Variants in PPP1R16B observed in about 807,000 individuals in gnomAD.
PPP1R16B encodes protein phosphatase 1 regulatory subunit 16B, also known as protein phosphatase 1 regulatory inhibitor subunit 16B.
PPP1R16B carries 14 observed loss-of-function variants against 61.7 expected under a neutral mutation model. The ratio of observed to expected loss-of-function variants is 0.23; its 90% confidence interval spans 0.15 to 0.35. The LOEUF is 0.35. Ranked by LOEUF, PPP1R16B falls within the 10% of genes least tolerant of loss-of-function variation. The probability of loss-of-function intolerance (pLI) is 1.00; values close to 1 mark genes in which losing one functional copy is unlikely to be tolerated. For missense variants in PPP1R16B, 547 were observed against 752.5 expected (o/e 0.73, Z 3.19); for synonymous variants, 266 against 305.3 (o/e 0.87, Z 1.34).
At chr20:38,837,643 T>C (rs886457338) in intron 2 of PPP1R16B, among the ~76,000 whole-genome samples, 7 of 151,942 alleles carry the variant, frequency 4.6e-5, no homozygotes, top group African/African-American at 1.7e-4. Flanking sequence ...CCTCCCAGGT[T>C]CCAGCAATTC....
intron 2 of PPP1R16B, among the ~76,000 whole-genome samples, chr20:38,854,594 G>A (rs1413541222): frequency 6.6e-6 from 1 of 152,204 alleles, no homozygotes; most frequent in Non-Finnish European, 1.5e-5. Flanking sequence ...AGTGGACCTT[G>A]AAGGTTAAGA....
intron 2 of PPP1R16B, among the ~76,000 whole-genome samples, chr20:38,861,025 C>T (rs943677914): frequency 3.3e-5 from 5 of 152,144 alleles, no homozygotes; most frequent in African/African-American, 1.2e-4. Context: ...TCTCCCCATT[C>T]CCTGGGTCCT....
intron 2 of PPP1R16B, among the ~76,000 whole-genome samples, chr20:38,866,605 G>T (rs2085092375): frequency 6.6e-6 from 1 of 152,130 alleles, no homozygotes; most frequent in Non-Finnish European, 1.5e-5. Flanking sequence ...TTTTTCCCAT[G>T]GAGGGGATAC....
intron 2 of PPP1R16B, among the ~76,000 whole-genome samples, chr20:38,868,851 G>A (rs772183297): frequency 6.6e-6 from 1 of 152,110 alleles, no homozygotes; most frequent in Admixed American, 6.5e-5. Context: ...TGAAATACTG[G>A]TTACATGATA....
chr20:38,899,671 A>G (rs1168359664), intron 4 of PPP1R16B, among the ~76,000 whole-genome samples: 1 of 152,222 alleles, frequency 6.6e-6, no homozygotes, highest in Non-Finnish European at 1.5e-5. Flanking sequence ...GTTTCTGCAT[A>G]TGGGCAAAAA....
chr20:38,877,915 T>G (rs144661935), intron 2 of PPP1R16B, among the ~76,000 whole-genome samples: 317 of 151,960 alleles, frequency 2.1e-3, no homozygotes, highest in African/African-American at 7.4e-3. Flanking sequence ...CTCCGTTATT[T>G]TGTTTGGAAT....
At chr20:38,888,173 TG>T (rs937425145) in intron 2 of PPP1R16B, among the ~76,000 whole-genome samples, 2 of 152,052 alleles carry the variant, frequency 1.3e-5, no homozygotes, top group African/African-American at 4.8e-5. Context: ...GTGTCCACGG[TG>T]GGGATTAGGG....
intron 2 of PPP1R16B, among the ~76,000 whole-genome samples, chr20:38,859,018 G>C (rs2085028346): frequency 6.6e-6 from 1 of 152,148 alleles, no homozygotes; most frequent in South Asian, 2.1e-4. Flanking sequence ...AGAGCTCCAA[G>C]AGCAAATGTC....
chr20:38,851,814 A>G (rs2084970751), intron 2 of PPP1R16B, among the ~76,000 whole-genome samples: 2 of 152,242 alleles, frequency 1.3e-5, no homozygotes, highest in African/African-American at 4.8e-5. Flanking sequence ...TGAGACCAAG[A>G]GTTTGAAACC....
chr20:38,852,236 C>T (rs995966601), intron 2 of PPP1R16B, among the ~76,000 whole-genome samples: 4 of 152,146 alleles, frequency 2.6e-5, no homozygotes, highest in South Asian at 2.1e-4. Context: ...GTGATCTTGG[C>T]GTAATCATTA....
chr20:38,852,768 T>TTTTTTTTTTTTG (rs1601257219), intron 2 of PPP1R16B, among the ~76,000 whole-genome samples: 2 of 62,336 alleles, frequency 3.2e-5, no homozygotes, highest in South Asian at 6.5e-4. Flanking sequence ...TTTTTTTTTT[T>TTTTTTTTTTTTG]GCGGGGGGTG....
intron 1 of PPP1R16B, among the ~76,000 whole-genome samples, chr20:38,821,223 T>A (rs984638526): frequency 1.3e-5 from 2 of 152,138 alleles, no homozygotes; most frequent in Non-Finnish European, 2.9e-5. Flanking sequence ...GGTGAGTGCC[T>A]CCCCATGGAC....
chr20:38,893,756 G>A (rs948110602), intron 3 of PPP1R16B, among the ~76,000 whole-genome samples: 1 of 151,920 alleles, frequency 6.6e-6, no homozygotes, highest in African/African-American at 2.4e-5. Context: ...GTGTAGACTG[G>A]TCCAGCCCCT....
intron 2 of PPP1R16B, among the ~76,000 whole-genome samples, chr20:38,874,582 G>A (rs989326281): frequency 2.6e-5 from 4 of 152,184 alleles, no homozygotes; most frequent in South Asian, 2.1e-4. Flanking sequence ...CCCCAACAGT[G>A]TGCTTTGATG....
chr20:38,895,954 TCCTTTCTTCTTTCTTCCCTCCC>T (rs2085337757), intron 4 of PPP1R16B, among the ~76,000 whole-genome samples: 1 of 88,714 alleles, frequency 1.1e-5, no homozygotes. Flanking sequence ...CCTCCCTCCC[TCCTTTCTTCTTTCTTCCCTCCC>T]TCCCTCCTTC....
intron 3 of PPP1R16B, among the ~76,000 whole-genome samples, chr20:38,891,425 A>C (rs2085291474): frequency 2.0e-5 from 3 of 152,226 alleles, no homozygotes; most frequent in Non-Finnish European, 4.4e-5. Flanking sequence ...AAAGTTATTA[A>C]AATGTATCAT....
At chr20:38,863,988 A>G (rs928717825) in intron 2 of PPP1R16B, among the ~76,000 whole-genome samples, 17 of 152,362 alleles carry the variant, frequency 1.1e-4, no homozygotes, top group Middle Eastern at 3.4e-3. Flanking sequence ...TAGCCATACA[A>G]TGGAATATCA....
chr20:38,829,950 G>T (rs1004555519), intron 1 of PPP1R16B, among the ~76,000 whole-genome samples: 4 of 152,258 alleles, frequency 2.6e-5, no homozygotes, highest in South Asian at 2.1e-4. Context: ...CCAAGTCAGA[G>T]AAAATATGCC....
Position 38,919,693 on chromosome 20 carries a change from T to A in PPP1R16B, c.*1027T>A, listed in dbSNP as rs1439046259. The A allele has an allele frequency of 6.6e-6, 1 of 152,024 alleles. No individual in the cohort carries two copies. The highest frequency in any genetic ancestry group is 2.4e-5 in the African/African-American group (1 of 41,372). 9.4% of individuals were successfully genotyped at this position (152,024 alleles called of 1,614,324 possible). On this transcript the variant is annotated 3_prime_UTR_variant, in exon 11 of 11. Coordinates refer to ENST00000299824, the MANE Select transcript of PPP1R16B (RefSeq NM_015568.4). ...TTTTCCAGGGAGAGAGGCCAGTTAATTTAAAAAAAACAGTCGCTAGTTAAC... is the reference window on the plus strand; with the variant it reads ...TTTTCCAGGGAGAGAGGCCAGTTAAATTAAAAAAAACAGTCGCTAGTTAAC...
Sources: gnomAD v4.1 joint callset for allele counts (sites outside exome capture counted in the v4.1 genomes callset) on GRCh38, gnomAD v4.1.1 for gene constraint, MANE v1.5 for transcripts, NCBI Gene and HGNC (gene_info 2026-07-23, HGNC 2026-07-21) for gene names.